Variants in ADGRE1 observed in about 807,000 individuals in gnomAD.
The protein encoded by ADGRE1 is EGF-like module receptor 1.
ADGRE1 carries 82 observed loss-of-function variants against 102.7 expected under a neutral mutation model. That is an observed-to-expected ratio of 0.80 (90% CI 0.67 to 0.96). ADGRE1 has a LOEUF of 0.96. ADGRE1 is among the 40% of genes least tolerant of loss of function. The pLI is 0.00. For missense variants in ADGRE1, 1,032 were observed against 1,085.3 expected, an observed-to-expected ratio of 0.95 and a Z score of 0.69; for synonymous variants, 398 against 399.6, an observed-to-expected ratio of 1.00 and a Z score of 0.05.
rs1973857458 is a variant in ADGRE1, at chr19:6,903,914, C to G, written c.766C>G (p.Gln256Glu). Reference protein sequence around the residue: ...CHPGFAPSNGQLNFTDQGVEC... With the variant: ...CHPGFAPSNGELNFTDQGVEC... ...CCCTGGCTTTGCACCAAGCAATGGA[C>G]AGTTGAATTTCACAGACCAAGGAGT... Residue 256 changes from glutamine (Q) to glutamate (E), a missense_variant, in exon 7 of 21, where the codon CAG (glutamine) becomes GAG (glutamate). Coordinates refer to ENST00000312053, the MANE Select transcript of ADGRE1 (RefSeq NM_001974.5). 1.9e-6 allele frequency: 3 copies of G among 1,614,174 alleles called. No homozygotes were observed. The highest frequency in any genetic ancestry group is 1.3e-5 in the African/African-American group (1 of 75,048).
chr19:6,913,339 C>T (rs465642), intron 10 of ADGRE1, among the ~76,000 whole-genome samples: 109,309 of 151,724 alleles, frequency 0.72, 39,875 homozygotes, highest in East Asian at 0.77. Flanking sequence ...CCACCATGCC[C>T]GGCTAAATTT....
intron 12 of ADGRE1, among the ~76,000 whole-genome samples, chr19:6,919,123 C>A (rs372077): frequency 0.73 from 110,403 of 151,382 alleles, 40,815 homozygotes; most frequent in Non-Finnish European, 0.78. Flanking sequence ...ATCTCCGCCT[C>A]CCGGGTTCAA....
chr19:6,928,006 C>A (rs921925), intron 16 of ADGRE1, 139 bp from the exon 17 acceptor site: 256,254 of 1,067,910 alleles, frequency 0.24, 35,333 homozygotes, highest in African/African-American at 0.57. Context: ...GGAAACTGAA[C>A]TGCAACCGGG....
intron 9 of ADGRE1, among the ~76,000 whole-genome samples, chr19:6,906,924 G>T (rs994964071): frequency 6.6e-6 from 1 of 152,184 alleles, no homozygotes; most frequent in African/African-American, 2.4e-5. Flanking sequence ...AAGCTGGGAA[G>T]AGAGAATGTT....
intron 20 of ADGRE1, among the ~76,000 whole-genome samples, chr19:6,939,266 G>GTATATATAT (rs1975572512): frequency 6.6e-6 from 1 of 152,138 alleles, no homozygotes. Flanking sequence ...TAATGAAAAA[G>GTATATATAT]ACAGTATAGG....
At chr19:6,929,250 T>G (rs1249336470) in intron 17 of ADGRE1, among the ~76,000 whole-genome samples, 1 of 152,180 alleles carries the variant, frequency 6.6e-6, no homozygotes, top group East Asian at 1.9e-4. Context: ...ACTAGCTCTC[T>G]GTGTCTTGCA....
At chr19:6,937,993 T>G (rs1193797060) in intron 20 of ADGRE1, among the ~76,000 whole-genome samples, 1 of 151,140 alleles carries the variant, frequency 6.6e-6, no homozygotes, top group Non-Finnish European at 1.5e-5. Flanking sequence ...ACTTATTATA[T>G]ACATATAATG....
intron 12 of ADGRE1, among the ~76,000 whole-genome samples, chr19:6,917,210 CT>C (rs1180680598): frequency 1.3e-5 from 2 of 152,198 alleles, no homozygotes; most frequent in African/African-American, 4.8e-5. Flanking sequence ...TTTCCAGCCC[CT>C]GATCTGATCT....
chr19:6,890,482 A>C lies in ADGRE1; in HGVS notation c.33A>C (p.Gly11=). Residue 11 remains glycine, a splice_region_variant and synonymous_variant, in exon 2 of 21, where the codon GGA becomes GGC. Coordinates refer to ENST00000312053, the MANE Select transcript of ADGRE1 (RefSeq NM_001974.5). ...TGTTTTTCTTTTCTTTCTTCACAGG[A>C]TGTTGTGTTATGCACAGCTGGGAAG... The part of the protein sequence containing the change: MRGFNLLLFW[G]CCVMHSWEGH... The C allele has an allele frequency of 7.0e-7, 1 of 1,420,566 alleles. No individual in the cohort carries two copies. The highest frequency in any genetic ancestry group is 9.5e-7 in the Non-Finnish European group (1 of 1,053,162). 88.0% of individuals were successfully genotyped at this position (1,420,566 alleles called of 1,614,324 possible). A position where few individuals can be genotyped will look rare whatever the true frequency, so the allele number is the denominator to read the frequency against.
Position 6,903,881 on chromosome 19 carries a change from A to T in ADGRE1, c.733A>T (p.Thr245Ser). 1 of 1,614,182 alleles carries T rather than the reference A, an allele frequency of 6.2e-7. No individual in the cohort carries two copies. The highest frequency in any genetic ancestry group is 1.1e-5 in the South Asian group (1 of 91,086). Reference protein sequence around the residue: ...CTNTPGSYFCTCHPGFAPSNG... With the variant: ...CTNTPGSYFCSCHPGFAPSNG... ...CAACACTCCTGGGAGCTACTTTTGC[A>T]CCTGCCACCCTGGCTTTGCACCAAG... The change falls in exon 7 of 21, where the codon ACC becomes TCC. Residue 245 changes from threonine to serine, a missense_variant. By Grantham distance (58) the Thr-to-Ser change is moderately conservative (BLOSUM62 1). Transcript: ENST00000312053.
chr19:6,918,059 C>T (rs1258655127), intron 12 of ADGRE1, among the ~76,000 whole-genome samples: 2 of 152,058 alleles, frequency 1.3e-5, no homozygotes, highest in Non-Finnish European at 2.9e-5. Context: ...GAGGAGGAAT[C>T]TGTTTTGCGG....
intron 11 of ADGRE1, among the ~76,000 whole-genome samples, chr19:6,914,925 G>T (rs896059015): frequency 1.3e-5 from 2 of 152,178 alleles, no homozygotes. Flanking sequence ...GAGGTGCACA[G>T]TGTGGCTGAA....
intron 2 of ADGRE1, chr19:6,894,874 A>G (rs888675799): frequency 8.5e-5 from 13 of 152,224 alleles, no homozygotes; most frequent in Non-Finnish European, 1.5e-4. Flanking sequence ...CAGGGCTTGG[A>G]GGCTTATTAA....
chr19:6,928,048 C>T, intron 16 of ADGRE1, 97 bp from the exon 17 acceptor site: 1 of 1,437,478 alleles, frequency 7.0e-7, no homozygotes, highest in Admixed American at 2.2e-5. Context: ...GTCTCACCTC[C>T]CAGTGTTCTC....
chr19:6,916,211 T>G, intron 11 of ADGRE1, 38 bp from the exon 12 acceptor site: 1 of 1,596,372 alleles, frequency 6.3e-7, no homozygotes. Context: ...ACTGACTTTC[T>G]GGGTGACCTC....
chr19:6,895,193 GC>G (rs1309845019), intron 2 of ADGRE1: 3 of 152,236 alleles, frequency 2.0e-5, no homozygotes, highest in Non-Finnish European at 2.9e-5. Context: ...CCATCTTCCA[GC>G]CCATGTGAAA....
chr19:6,934,295 A>C (rs1228249341), intron 17 of ADGRE1, among the ~76,000 whole-genome samples: 2 of 152,164 alleles, frequency 1.3e-5, no homozygotes, highest in Non-Finnish European at 2.9e-5. Context: ...AGTAGGGACA[A>C]AAATTAAGGA....
At chr19:6,908,832 G>GT (rs1974068428) in intron 10 of ADGRE1, 60 bp downstream of exon 10, 1 of 1,520,500 alleles carries the variant, frequency 6.6e-7, no homozygotes, top group Non-Finnish European at 9.0e-7. Flanking sequence ...CACACTTTGG[G>GT]TGCAGAAAGA....
At chr19:6,905,210 T>C (rs1374564922) in intron 8 of ADGRE1, among the ~76,000 whole-genome samples, 2 of 152,104 alleles carry the variant, frequency 1.3e-5, no homozygotes, top group East Asian at 3.9e-4. Context: ...TAGCCAGGTG[T>C]AGTAGCATGG....
Sources: gnomAD v4.1 joint callset for allele counts (sites outside exome capture counted in the v4.1 genomes callset) on GRCh38, gnomAD v4.1.1 for gene constraint, MANE v1.5 for transcripts, NCBI Gene and HGNC (gene_info 2026-07-23, HGNC 2026-07-21) for gene names.